Variants in IL1B observed in about 807,000 individuals in gnomAD.
IL1B encodes the protein interleukin 1 beta.
IL1B carries 11 observed loss-of-function variants against 26.2 expected under a neutral mutation model. The observed-to-expected ratio is 0.42, with a 90% CI of 0.26 to 0.70. The LOEUF is 0.70. IL1B is among the 30% of genes least tolerant of loss of function. The pLI is 0.25. For synonymous variants in IL1B, 118 were observed against 120.8 expected (o/e 0.98, Z 0.15); for missense variants, 255 against 327.5 (o/e 0.78, Z 1.71).
intron 4 of IL1B, 24 bp from the exon 5 acceptor site, chr2:112,832,850 T>C: frequency 1.9e-6 from 3 of 1,614,000 alleles, no homozygotes; most frequent in South Asian, 1.1e-5. Flanking sequence ...CACATGTTGT[T>C]TAGGTATAAA....
chr2:112,835,695 A>G, intron 2 of IL1B, 78 bp from the exon 3 acceptor site: 1 of 1,271,022 alleles, frequency 7.9e-7, no homozygotes, highest in Non-Finnish European at 1.1e-6. Context: ...ACAAGACTTG[A>G]CTGTTCATAA....
At chr2:112,832,263 A>G (rs908612704) in intron 5 of IL1B, among the ~76,000 whole-genome samples, 1 of 152,080 alleles carries the variant, frequency 6.6e-6, no homozygotes, top group African/African-American at 2.4e-5. Flanking sequence ...CAAGGGGGGA[A>G]GACTGGGGAG....
chr2:112,835,844 C>T (rs28730866), intron 2 of IL1B, among the ~76,000 whole-genome samples: 149 of 152,286 alleles, frequency 9.8e-4, no homozygotes, highest in Non-Finnish European at 1.9e-3. Flanking sequence ...GATCTTGAGG[C>T]CTAACCTCTA....
chr2:112,836,539 A>G (rs1221265974), intron 1 of IL1B, 169 bp downstream of exon 1: 3 of 344,306 alleles, frequency 8.7e-6, no homozygotes, highest in African/African-American at 4.2e-5. Context: ...TAAGCATTAT[A>G]TTACACCTGG....
chr2:112,833,513 G>A lies in IL1B; in HGVS notation c.162C>T (p.Asp54=), dbSNP rs1251628937. The part of the protein sequence containing the change: ...LDGGIQLRIS[D]HHYSKGFRQA... The stretch of plus-strand genomic sequence containing the variant: ...GCCTGAAGCCCTTGCTGTAGTGGTG[G>A]TCGGAGATTCGTAGCTGGATGCCGC... Residue 54 remains aspartate, a synonymous_variant, in exon 4 of 7, where the codon GAC becomes GAT. Coordinates refer to ENST00000263341, the MANE Select transcript of IL1B (RefSeq NM_000576.3). The A allele has an allele frequency of 1.2e-6, 2 of 1,614,198 alleles. No individual in the cohort carries two copies. Among genetic ancestry groups the A allele is most frequent in the Non-Finnish European group, 8.5e-7 (1 of 1,180,052 alleles).
At chr2:112,836,385 G>C in intron 1 of IL1B, 141 bp from the exon 2 acceptor site, 1 of 690,838 alleles carries the variant, frequency 1.4e-6, no homozygotes, top group Non-Finnish European at 2.6e-6. Context: ...GAAGTCCTTT[G>C]GGTCTAGAGA....
intron 5 of IL1B, 23 bp downstream of exon 5, chr2:112,832,639 G>A (rs1209843559): frequency 1.9e-6 from 3 of 1,613,654 alleles, no homozygotes; most frequent in Non-Finnish European, 2.5e-6. Flanking sequence ...GCCAGGCAGG[G>A]AAACCAGGAT....
At chr2:112,831,545 C>T in intron 5 of IL1B, 123 bp from the exon 6 acceptor site, 1 of 1,082,302 alleles carries the variant, frequency 9.2e-7, no homozygotes, top group Non-Finnish European at 1.4e-6. Context: ...AGTGAGGTTC[C>T]TTGGCCTAAG....
At chr2:112,836,596 G>A in intron 1 of IL1B, 112 bp downstream of exon 1, 14 of 286,276 alleles carry the variant, frequency 4.9e-5, no homozygotes, top group East Asian at 1.7e-4. Context: ...GGAAGGAGAG[G>A]GAGAGACAGA....
chr2:112,834,844 G>C (rs1425844059), intron 3 of IL1B, among the ~76,000 whole-genome samples: 1 of 152,210 alleles, frequency 6.6e-6, no homozygotes, highest in African/African-American at 2.4e-5. Flanking sequence ...GAAGGCTACT[G>C]AGCATCATAT....
chr2:112,830,313 A>AG lies in IL1B; in HGVS notation c.*47dup. On this transcript the variant is annotated 3_prime_UTR_variant, in exon 7 of 7. Coordinates refer to ENST00000263341, the MANE Select transcript of IL1B (RefSeq NM_000576.3). ...TTTCTGTTCCCTTTCTGCCAGCCCT[A>AG]GGGATTGAGTCCACATTCAGCACAG... The AG allele has an allele frequency of 1.3e-6, 2 of 1,497,874 alleles. No individual in the cohort carries two copies. The highest frequency in any genetic ancestry group is 1.9e-6 in the Non-Finnish European group (2 of 1,074,616). The allele number at this position is 1,497,874 out of a possible 1,614,324, so 92.8% of individuals were successfully genotyped here.
At chr2:112,835,491 C>G in intron 3 of IL1B, 75 bp downstream of exon 3, 1 of 1,207,756 alleles carries the variant, frequency 8.3e-7, no homozygotes. Context: ...ATCAAAGTGG[C>G]CCAGAACTCC....
intron 3 of IL1B, 142 bp from the exon 4 acceptor site, chr2:112,833,717 G>A (rs953365758): frequency 1.2e-5 from 10 of 805,990 alleles, no homozygotes; most frequent in Admixed American, 2.0e-5. Context: ...CTCTGGGCCA[G>A]GCGTGGTGGC....
chr2:112,830,820 G>A (rs1681971704), intron 6 of IL1B, among the ~76,000 whole-genome samples: 1 of 151,850 alleles, frequency 6.6e-6, no homozygotes, highest in Admixed American at 6.6e-5. Context: ...TTTTGGGGGG[G>A]TGAAAATTAA....
chr2:112,831,253 G>A (rs1475957930), intron 6 of IL1B, 39 bp downstream of exon 6: 1 of 1,612,768 alleles, frequency 6.2e-7, no homozygotes, highest in Admixed American at 1.7e-5. Context: ...AGTGGTAGCA[G>A]GAGGCTGAGA....
At chr2:112,836,643 A>T (rs1019294297) in intron 1 of IL1B, 65 bp downstream of exon 1, 2 of 253,944 alleles carry the variant, frequency 7.9e-6, no homozygotes, top group Non-Finnish European at 1.6e-5. Flanking sequence ...ATGCATACAC[A>T]CAAAGAGGCA....
rs144433180 is a variant in IL1B at position 112,831,327 on chromosome 2, C to G, written c.562G>C (p.Val188Leu). The change falls in exon 6 of 7, where the codon GTG becomes CTG. Residue 188 changes from valine (V) to leucine (L), a missense_variant. Physicochemically the swap from Val to Leu is conservative, Grantham distance 32. Transcript: ENST00000263341. ...AGAGTGGGCTTATCATCTTTCAACA[C>G]GCAGGACAGGTACAGATTCTTTTCC... is the stretch of plus-strand genomic sequence containing the variant. ...LKEKNLYLSCVLKDDKPTLQL... is the reference protein window; with the variant it reads ...LKEKNLYLSCLLKDDKPTLQL... 6.2e-7 allele frequency: 1 copy of G among 1,613,974 alleles called. No individual in the cohort carries two copies. The highest frequency in any genetic ancestry group is 1.1e-5 in the South Asian group (1 of 91,074).
In IL1B at chr2:112,832,599, A is replaced by G. The variant is rs1173340435; in HGVS notation, c.466+63T>C. 1.2e-5 allele frequency: 18 copies of G among 1,518,708 alleles called. No individual in the cohort carries two copies. The Admixed American group carries it at 2.5e-4, about 21-fold the overall frequency. 94.1% of individuals were successfully genotyped at this position (1,518,708 alleles called of 1,614,324 possible). A position where few individuals can be genotyped will look rare whatever the true frequency, so the allele number is the denominator to read the frequency against. On this transcript the variant is annotated intron_variant, in intron 5 of 6. Transcript: ENST00000263341. ...TTAAATTAACTTTCTACTTTGTTTA[A>G]AACATGGAGAATTAGCAAGCTGCCA... is the stretch of plus-strand genomic sequence containing the variant.
At position 112,830,228 on chromosome 2, in the gene IL1B, G is replaced by C. The variant is rs905349331; in HGVS notation, c.*133C>G. On this transcript the variant is annotated 3_prime_UTR_variant, in exon 7 of 7. Coordinates refer to ENST00000263341, the MANE Select transcript of IL1B (RefSeq NM_000576.3). ...ATCCTCTTAGCACTACCCTAAGGCAGGCAGTTGGGCATTGGTGTAGACAAC... is the reference window on the plus strand; with the variant it reads ...ATCCTCTTAGCACTACCCTAAGGCACGCAGTTGGGCATTGGTGTAGACAAC... The C allele has an allele frequency of 1.3e-6, 1 of 758,152 alleles. No individual in the cohort carries two copies. The highest frequency in any genetic ancestry group is 2.4e-6 in the Non-Finnish European group (1 of 424,254). 47.0% of individuals were successfully genotyped at this position (758,152 alleles called of 1,614,324 possible).
Sources: allele counts gnomAD v4.1 joint callset (sites outside exome capture counted in the v4.1 genomes callset), GRCh38; gene constraint gnomAD v4.1.1; transcripts MANE v1.5; gene names NCBI Gene and HGNC (gene_info 2026-07-23, HGNC 2026-07-21).